Variants in WARS1 observed in about 807,000 individuals in gnomAD.
WARS1 encodes the protein tryptophan--tRNA ligase, cytoplasmic.
A neutral mutation model predicts 47.8 loss-of-function variants in WARS1; 17 were observed. The ratio of observed to expected loss-of-function variants is 0.36; its 90% confidence interval spans 0.24 to 0.53. The LOEUF is 0.53. Among genes scored for constraint, WARS1 ranks in the 20% least tolerant of loss-of-function variants. The probability of loss-of-function intolerance (pLI) is 0.91; values close to 1 mark genes in which losing one functional copy is unlikely to be tolerated. For missense variants in WARS1, 434 were observed against 608.0 expected, an observed-to-expected ratio of 0.71 and a Z score of 3.01; for synonymous variants, 208 against 228.1, an observed-to-expected ratio of 0.91 and a Z score of 0.79.
intron 4 of WARS1, among the ~76,000 whole-genome samples, chr14:100,359,001 C>T (rs974518334): frequency 6.6e-6 from 1 of 152,138 alleles, no homozygotes; most frequent in Non-Finnish European, 1.5e-5. Flanking sequence ...CTATAAAACA[C>T]AACAACATGG....
At chr14:100,354,264 C>T in intron 5 of WARS1, 183 bp downstream of exon 5, 1 of 808,382 alleles carries the variant, frequency 1.2e-6, no homozygotes, top group Non-Finnish European at 1.9e-6. Flanking sequence ...CTCCCCATCA[C>T]TCCATGGTCC....
At chr14:100,358,820 C>T (rs1226682975) in intron 4 of WARS1, among the ~76,000 whole-genome samples, 1 of 152,090 alleles carries the variant, frequency 6.6e-6, no homozygotes, top group East Asian at 1.9e-4. Context: ...ACTATTATAA[C>T]TAACAATAAA....
At chr14:100,346,613 G>T in intron 7 of WARS1, 133 bp downstream of exon 7, 1 of 696,460 alleles carries the variant, frequency 1.4e-6, no homozygotes. Context: ...CCACGCCTGG[G>T]CATCCTACTT....
rs141943026 is a variant in WARS1 at position 100,339,415 on chromosome 14, C to T, written c.1114-2213G>A. On this transcript the variant is annotated intron_variant, in intron 9 of 10. Coordinates refer to ENST00000392882, the MANE Select transcript of WARS1 (RefSeq NM_004184.4). ...GACCATCCTGGCTAACACGGTGAAA[C>T]CCCGTCTCTACCAAAATACAAAAAA... is the stretch of plus-strand genomic sequence containing the variant. Among the ~76,000 whole-genome samples the T allele has an allele frequency of 3.8e-3, 583 of 152,024 alleles. 5 individuals are homozygous for T. Among genetic ancestry groups the T allele is most frequent in the African/African-American group, 0.013 (547 of 41,498 alleles).
intron 8 of WARS1, among the ~76,000 whole-genome samples, chr14:100,343,074 G>A (rs1461726765): frequency 1.3e-5 from 2 of 152,120 alleles, no homozygotes; most frequent in Non-Finnish European, 2.9e-5. Flanking sequence ...ACGGGGTTTC[G>A]CCATGTTGGC....
intron 4 of WARS1, 133 bp from the exon 5 acceptor site, chr14:100,354,699 G>A (rs1268953074): frequency 1.3e-5 from 14 of 1,070,522 alleles, no homozygotes; most frequent in Non-Finnish European, 1.7e-5. Flanking sequence ...GTTACCTTTG[G>A]TGCTTATGAT....
intron 2 of WARS1, chr14:100,366,960 C>G: frequency 6.6e-7 from 1 of 1,521,478 alleles, no homozygotes; most frequent in Non-Finnish European, 9.1e-7. Flanking sequence ...TTTCTTAACT[C>G]TCCAAAATAA....
chr14:100,339,392 C>T (rs556776194), intron 9 of WARS1, among the ~76,000 whole-genome samples: 1 of 152,146 alleles, frequency 6.6e-6, no homozygotes, highest in South Asian at 2.1e-4. Context: ...GAGATCAAGA[C>T]CATCCTGGCT....
At chr14:100,342,367 C>G in intron 9 of WARS1, 31 bp downstream of exon 9, 4 of 1,612,612 alleles carry the variant, frequency 2.5e-6, no homozygotes, top group Non-Finnish European at 2.5e-6. Flanking sequence ...TCTGATCCCG[C>G]TGGCTGCCCT....
intron 6 of WARS1, among the ~76,000 whole-genome samples, chr14:100,350,814 G>T (rs1383861665): frequency 6.6e-6 from 1 of 152,230 alleles, no homozygotes; most frequent in Non-Finnish European, 1.5e-5. Flanking sequence ...GTAAGGCCCA[G>T]CCTGATGGAG....
Position 100,348,388 on chromosome 14 carries a change from G to A in WARS1, c.726-1542C>T, listed in dbSNP as rs539637420. ...TGTCCAGGTTGAGCAGAGGCAGCAC[G>A]TGAGGGATGGACTGTGTCTTTCGCC... On this transcript the variant is annotated intron_variant, in intron 6 of 10. Transcript: ENST00000392882. Among the ~76,000 whole-genome samples, 33 of 149,860 alleles carry A rather than the reference G, an allele frequency of 2.2e-4. No individual in the cohort carries two copies. The Middle Eastern group carries it at 0.014, about 62-fold the overall frequency.
At chr14:100,353,439 T>TG (rs35136309) in intron 6 of WARS1, among the ~76,000 whole-genome samples, 144,711 of 152,116 alleles carry the variant, frequency 0.95, 69,245 homozygotes, top group East Asian at 1. Context: ...TCAATAGAGA[T>TG]GGGTTTCACC....
At chr14:100,350,770 G>C (rs1207088654) in intron 6 of WARS1, among the ~76,000 whole-genome samples, 1 of 152,218 alleles carries the variant, frequency 6.6e-6, no homozygotes, top group African/African-American at 2.4e-5. Context: ...TCAGCTAGTG[G>C]GGAGAGGGCC....
chr14:100,346,873 C>T (rs1211720409), intron 6 of WARS1, 27 bp from the exon 7 acceptor site: 2 of 1,597,538 alleles, frequency 1.3e-6, no homozygotes, highest in African/African-American at 2.7e-5. Context: ...AATGAAATCC[C>T]AAACGGAGGG....
At chr14:100,345,688 A>G (rs1894564254) in intron 7 of WARS1, among the ~76,000 whole-genome samples, 1 of 151,936 alleles carries the variant, frequency 6.6e-6, no homozygotes, top group African/African-American at 2.4e-5. Flanking sequence ...AAAAAAAAAA[A>G]GAAGTTATGA....
chr14:100,363,611 T>G (rs1895781983), intron 2 of WARS1, among the ~76,000 whole-genome samples: 1 of 152,074 alleles, frequency 6.6e-6, no homozygotes, highest in African/African-American at 2.4e-5. Context: ...GTCAGAGGAT[T>G]GCTTGAGCCA....
intron 4 of WARS1, among the ~76,000 whole-genome samples, chr14:100,355,953 G>A (rs539618930): frequency 6.6e-6 from 1 of 152,290 alleles, no homozygotes; most frequent in Admixed American, 6.5e-5. Flanking sequence ...CTTTTCTTGT[G>A]TTTATGTGGA....
At chr14:100,339,442 T>A (rs1426995767) in intron 9 of WARS1, among the ~76,000 whole-genome samples, 1 of 151,884 alleles carries the variant, frequency 6.6e-6, no homozygotes, top group Non-Finnish European at 1.5e-5. Flanking sequence ...TACAAAAAAT[T>A]AGCTGGGTGT....
At chr14:100,342,295 G>T in intron 9 of WARS1, 103 bp downstream of exon 9, 1 of 1,516,760 alleles carries the variant, frequency 6.6e-7, no homozygotes, top group African/African-American at 1.4e-5. Context: ...CGGTGGCTGG[G>T]TGGCTGAGGC....
Sources: allele counts gnomAD v4.1 joint callset (sites outside exome capture counted in the v4.1 genomes callset), GRCh38; gene constraint gnomAD v4.1.1; transcripts MANE v1.5; gene names NCBI Gene and HGNC (gene_info 2026-07-23, HGNC 2026-07-21).